SLC39A11: variants seen among roughly 807,000 people sequenced by gnomAD.
The protein encoded by SLC39A11 is solute carrier family 39 member 11, also known as zinc transporter ZIP11.
In SLC39A11, 33 loss-of-function variants were observed where a neutral mutation model predicts 36.1. That is an observed-to-expected ratio of 0.91 (90% confidence interval 0.69 to 1.22). The LOEUF (loss-of-function observed/expected upper bound fraction) is 1.22, where lower values mean the gene tolerates loss of function less well. SLC39A11 is among the 50% of genes most tolerant of loss of function. SLC39A11 has a pLI of 0.00. For missense variants in SLC39A11, 432 were observed against 430.3 expected (o/e 1.00, Z -0.03); for synonymous variants, 166 against 170.3 (o/e 0.97, Z 0.20).
At chr17:72,754,008 A>G (rs537590868) in intron 6 of SLC39A11, among the ~76,000 whole-genome samples, 12 of 96,714 alleles carry the variant, frequency 1.2e-4, no homozygotes, top group Non-Finnish European at 1.8e-4. Flanking sequence ...AGAAACTGTG[A>G]TATGTATATA....
chr17:72,802,230 G>A (rs2077111066), intron 6 of SLC39A11, among the ~76,000 whole-genome samples: 1 of 152,202 alleles, frequency 6.6e-6, no homozygotes, highest in African/African-American at 2.4e-5. Context: ...GGTGAGGGCA[G>A]ATTGATTCCA....
chr17:72,914,317 G>C (rs1437440195), intron 5 of SLC39A11, among the ~76,000 whole-genome samples: 2 of 148,552 alleles, frequency 1.3e-5, no homozygotes, highest in Non-Finnish European at 3.0e-5. Context: ...CTCCATCTCG[G>C]GGGAAAAAAA....
intron 6 of SLC39A11, among the ~76,000 whole-genome samples, chr17:72,825,254 A>G (rs1269742390): frequency 6.6e-6 from 1 of 152,180 alleles, no homozygotes; most frequent in African/African-American, 2.4e-5. Context: ...AGGGCCCCAG[A>G]TACATCTCAG....
intron 6 of SLC39A11, among the ~76,000 whole-genome samples, chr17:72,841,610 A>G (rs558385598): frequency 1.3e-5 from 2 of 152,322 alleles, no homozygotes; most frequent in East Asian, 3.9e-4. Context: ...AAAAAAATAG[A>G]TGAGTCAGAC....
chr17:72,743,227 T>C (rs1399869529), intron 6 of SLC39A11, among the ~76,000 whole-genome samples: 1 of 149,350 alleles, frequency 6.7e-6, no homozygotes, highest in Non-Finnish European at 1.5e-5. Context: ...AACCGCAGTC[T>C]CTCATTGTTT....
intron 7 of SLC39A11, among the ~76,000 whole-genome samples, chr17:72,729,436 TATATATATATA>T (rs1178237985): frequency 0.018 from 63 of 3,498 alleles, 6 homozygotes; most frequent in East Asian, 0.027. Context: ...TATATATATA[TATATATATATA>T]TATATATATA....
intron 3 of SLC39A11, among the ~76,000 whole-genome samples, chr17:73,047,328 G>C (rs2059331882): frequency 6.6e-6 from 1 of 152,110 alleles, no homozygotes; most frequent in South Asian, 2.1e-4. Context: ...CCGGCAAGAA[G>C]AACCACCTTC....
chr17:73,086,339 A>ATTT (rs34812115), intron 2 of SLC39A11, among the ~76,000 whole-genome samples: 3 of 147,148 alleles, frequency 2.0e-5, no homozygotes, highest in African/African-American at 7.5e-5. Context: ...TTCAATACAG[A>ATTT]TTTTTTTTTT....
intron 6 of SLC39A11, among the ~76,000 whole-genome samples, chr17:72,799,814 G>T (rs1304875117): frequency 2.1e-5 from 3 of 140,936 alleles, no homozygotes; most frequent in African/African-American, 5.3e-5. Flanking sequence ...TTCTGTTTTT[G>T]CCCTTTGCCC....
intron 6 of SLC39A11, among the ~76,000 whole-genome samples, chr17:72,783,314 G>A (rs2076390866): frequency 6.6e-6 from 1 of 152,140 alleles, no homozygotes; most frequent in African/African-American, 2.4e-5. Context: ...TATAGAAGCT[G>A]TAACAGACTG....
chr17:72,678,286 A>G (rs530790790), intron 7 of SLC39A11, among the ~76,000 whole-genome samples: 4 of 152,328 alleles, frequency 2.6e-5, no homozygotes, highest in African/African-American at 9.6e-5. Context: ...ATCACCATTT[A>G]CAACGTGTTT....
At chr17:73,044,880 A>G (rs865924870) in intron 3 of SLC39A11, among the ~76,000 whole-genome samples, 22,998 of 75,728 alleles carry the variant, frequency 0.3, 1,955 homozygotes, top group South Asian at 0.45. Context: ...CTGTCTCAGA[A>G]AAAAAAAAAA....
intron 3 of SLC39A11, among the ~76,000 whole-genome samples, chr17:73,069,327 C>A (rs1012629541): frequency 1.3e-5 from 2 of 152,214 alleles, no homozygotes; most frequent in African/African-American, 4.8e-5. Flanking sequence ...CTCTCCCCAG[C>A]CGACCTTGAG....
chr17:72,881,838 G>C (rs1367908835), intron 5 of SLC39A11, among the ~76,000 whole-genome samples: 6 of 152,188 alleles, frequency 3.9e-5, no homozygotes, highest in East Asian at 1.9e-4. Flanking sequence ...TGCCTCACAG[G>C]CTGCAGAATT....
chr17:73,005,057 G>A (rs1340353608), intron 4 of SLC39A11, among the ~76,000 whole-genome samples: 1 of 152,220 alleles, frequency 6.6e-6, no homozygotes, highest in Non-Finnish European at 1.5e-5. Context: ...ATGCAGTGGT[G>A]TGAACTCAGC....
chr17:72,978,056 T>C (rs538668083), intron 4 of SLC39A11, among the ~76,000 whole-genome samples: 2 of 152,360 alleles, frequency 1.3e-5, no homozygotes, highest in South Asian at 4.1e-4. Context: ...AGGGTGGTCG[T>C]TGAGAATCTT....
rs557815303 is a variant in SLC39A11, at chr17:72,941,845, C to T, written c.430+5907G>A. ...AATATTTTTGTGCGGCACATTTTAA[C>T]GCTGGTTTGCTTCATTCTATTTATT... On this transcript the variant is annotated intron_variant, in intron 5 of 9. Transcript: ENST00000255559. Among the ~76,000 whole-genome samples the T allele has an allele frequency of 4.5e-4, 68 of 150,094 alleles. 1 individual carries two copies. Among genetic ancestry groups the T allele is most frequent in the African/African-American group, 1.5e-3 (62 of 40,986 alleles).
intron 4 of SLC39A11, among the ~76,000 whole-genome samples, chr17:73,024,034 AAG>A: frequency 6.6e-6 from 1 of 152,236 alleles, no homozygotes; most frequent in South Asian, 2.1e-4. Context: ...TCTATTGTTT[AAG>A]CCAACCCTGT....
At chr17:73,054,337 G>A (rs1468183751) in intron 3 of SLC39A11, among the ~76,000 whole-genome samples, 1 of 150,444 alleles carries the variant, frequency 6.6e-6, no homozygotes, top group Non-Finnish European at 1.5e-5. Context: ...TCCAGCCTGG[G>A]AGCTGGACCA....
Sources: gnomAD v4.1 joint callset for allele counts (sites outside exome capture counted in the v4.1 genomes callset) on GRCh38, gnomAD v4.1.1 for gene constraint, MANE v1.5 for transcripts, NCBI Gene and HGNC (gene_info 2026-07-23, HGNC 2026-07-21) for gene names.